Variants in CHM observed in about 807,000 individuals in gnomAD.
CHM encodes the protein CHM Rab escort protein, also known as rab proteins geranylgeranyltransferase component A 1.
Under a neutral mutation model 49.0 loss-of-function variants are expected in CHM, and 10 were observed. That is an observed-to-expected ratio of 0.20 (90% confidence interval 0.13 to 0.35). The LOEUF (loss-of-function observed/expected upper bound fraction) is 0.35, where lower values mean the gene tolerates loss of function less well. CHM is among the 10% of genes least tolerant of loss of function. CHM has a pLI of 1.00. For synonymous variants in CHM, 184 were observed against 167.5 expected (o/e 1.10, Z -0.76); for missense variants, 455 against 478.4 (o/e 0.95, Z 0.46).
At chrX:85,950,946 T>C (rs1233804370) in intron 8 of CHM, among the ~76,000 whole-genome samples, 5 of 111,754 alleles carry the variant, frequency 4.5e-5, no homozygotes, top group African/African-American at 1.6e-4. Context: ...AACTTTTCAG[T>C]GGCAAAAATG....
At chrX:85,920,264 T>G (rs773920461) in intron 8 of CHM, among the ~76,000 whole-genome samples, 53 of 109,349 alleles carry the variant, frequency 4.8e-4, no homozygotes, top group Non-Finnish European at 9.5e-4. Context: ...CCCAGCTAAT[T>G]TTTTCTATTT....
chrX:85,948,079 TA>T (rs199813773), intron 8 of CHM, among the ~76,000 whole-genome samples: 1,289 of 106,997 alleles, frequency 0.012, 23 homozygotes, highest in African/African-American at 0.041. Context: ...CATCTACACA[TA>T]AAAAAAAAAT....
chrX:85,897,356 T>TA (rs1196007155), intron 11 of CHM, among the ~76,000 whole-genome samples: 1 of 101,373 alleles, frequency 9.9e-6, no homozygotes, highest in East Asian at 3.0e-4. Context: ...TGTGTCTGTT[T>TA]AAAAAAAATG....
chrX:86,029,802 C>A (rs1933969999), intron 1 of CHM, among the ~76,000 whole-genome samples: 1 of 111,376 alleles, frequency 9.0e-6, no homozygotes, highest in African/African-American at 3.3e-5. Context: ...CACCTAGCTG[C>A]ACAACCTCAG....
intron 2 of CHM, among the ~76,000 whole-genome samples, chrX:85,999,760 T>C (rs779873169): frequency 3.6e-4 from 41 of 112,339 alleles, no homozygotes; most frequent in African/African-American, 1.3e-3. Context: ...TTACATTTAC[T>C]GAGACAGATA....
intron 14 of CHM, among the ~76,000 whole-genome samples, chrX:85,867,203 T>A (rs1212187305): frequency 9.0e-6 from 1 of 111,700 alleles, no homozygotes; most frequent in Non-Finnish European, 1.9e-5. Flanking sequence ...GGGGCACTTT[T>A]CCCCATGCTG....
At chrX:85,896,933 G>A (rs181886201) in intron 11 of CHM, among the ~76,000 whole-genome samples, 187 of 89,976 alleles carry the variant, frequency 2.1e-3, no homozygotes, top group African/African-American at 6.9e-3. Flanking sequence ...TATGTAATAC[G>A]TAATACATAA....
intron 4 of CHM, among the ~76,000 whole-genome samples, chrX:85,966,788 C>T (rs756589259): frequency 9.0e-6 from 1 of 111,700 alleles, no homozygotes; most frequent in Admixed American, 9.5e-5. Flanking sequence ...TCTCTTATTA[C>T]AGACTATGAT....
At chrX:85,955,611 T>A (rs1322489921) in intron 8 of CHM, among the ~76,000 whole-genome samples, 1 of 112,284 alleles carries the variant, frequency 8.9e-6, no homozygotes, top group African/African-American at 3.2e-5. Context: ...GGTATTCTTA[T>A]GTACGGCTAA....
intron 1 of CHM, among the ~76,000 whole-genome samples, chrX:86,035,264 T>C (rs187993533): frequency 9.0e-6 from 1 of 111,526 alleles, no homozygotes; most frequent in Admixed American, 9.5e-5. Flanking sequence ...TCAATGTACA[T>C]TGGAAAAAAG....
chrX:86,032,719 A>T (rs184917441), intron 1 of CHM, among the ~76,000 whole-genome samples: 204 of 111,940 alleles, frequency 1.8e-3, no homozygotes, highest in African/African-American at 6.3e-3. Flanking sequence ...AGCATGTGTA[A>T]TTCTGATGCA....
chrX:85,981,831 A>T (rs1931634023), intron 2 of CHM, 22 bp from the exon 3 acceptor site: 2 of 1,093,016 alleles, frequency 1.8e-6, no homozygotes, highest in Non-Finnish European at 2.5e-6. Flanking sequence ...AAAAAAAAAA[A>T]AAAAAGTAAA....
chrX:86,023,658 AAATG>A (rs773166126), intron 2 of CHM, among the ~76,000 whole-genome samples: 69 of 111,922 alleles, frequency 6.2e-4, no homozygotes, highest in African/African-American at 2.1e-3. Context: ...TTCTCAATAA[AAATG>A]AATGGTGATA....
chrX:85,991,297 T>G (rs764936919), intron 2 of CHM, among the ~76,000 whole-genome samples: 1 of 111,883 alleles, frequency 8.9e-6, no homozygotes, highest in African/African-American at 3.2e-5. Flanking sequence ...TGTGTAGAGT[T>G]TAGTCACTAG....
chrX:85,905,151 C>T (rs992439235), intron 9 of CHM, among the ~76,000 whole-genome samples: 3 of 111,163 alleles, frequency 2.7e-5, no homozygotes, highest in Non-Finnish European at 3.8e-5. Context: ...TCACCTGCTC[C>T]CACTCCCTTG....
intron 2 of CHM, among the ~76,000 whole-genome samples, chrX:86,008,987 G>T (rs1932945490): frequency 8.9e-6 from 1 of 111,979 alleles, no homozygotes; most frequent in Non-Finnish European, 1.9e-5. Flanking sequence ...AATTGAAAAG[G>T]TGAAAAGCAA....
intron 1 of CHM, among the ~76,000 whole-genome samples, chrX:86,043,121 T>C (rs1281211724): frequency 1.8e-5 from 2 of 111,987 alleles, no homozygotes; most frequent in East Asian, 5.6e-4. Flanking sequence ...TAAATAGATA[T>C]ATACAATGGT....
At chrX:85,981,036 A>C (rs1400156694) in intron 3 of CHM, among the ~76,000 whole-genome samples, 3 of 108,331 alleles carry the variant, frequency 2.8e-5, no homozygotes, top group Non-Finnish European at 5.7e-5. Context: ...TTTGTTCAAA[A>C]TATACTGACT....
chrX:85,949,583 G>T (rs1929616029), intron 8 of CHM, among the ~76,000 whole-genome samples: 1 of 110,658 alleles, frequency 9.0e-6, no homozygotes, highest in African/African-American at 3.3e-5. Flanking sequence ...GTATTAAGTT[G>T]ATAGAAGGAC....
Sources: allele counts gnomAD v4.1 joint callset (sites outside exome capture counted in the v4.1 genomes callset), GRCh38; gene constraint gnomAD v4.1.1; transcripts MANE v1.5; gene names NCBI Gene and HGNC (gene_info 2026-07-23, HGNC 2026-07-21).